The following MROH2A variants were observed in gnomAD, a reference collection of about 807,000 sequenced individuals.
MROH2A encodes the protein maestro heat like repeat family member 2A, also known as maestro heat-like repeat-containing protein family member 2A.
A neutral mutation model predicts 200.4 loss-of-function variants in MROH2A; 174 were observed. That is an observed-to-expected ratio of 0.87 (90% confidence interval 0.77 to 0.98). The LOEUF is 0.98. MROH2A is among the 50% of genes least tolerant of loss of function. The pLI is 0.00. For synonymous variants in MROH2A, 829 were observed against 840.4 expected, an observed-to-expected ratio of 0.99 and a Z score of 0.23; for missense variants, 2,045 against 2,139.6, an observed-to-expected ratio of 0.96 and a Z score of 0.87.
chr2:233,789,091 G>A (rs955371939), intron 3 of MROH2A, among the ~76,000 whole-genome samples: 1 of 151,856 alleles, frequency 6.6e-6, no homozygotes, highest in East Asian at 1.9e-4. Flanking sequence ...GGTGATAAGC[G>A]CTATCATGCA....
intron 3 of MROH2A, among the ~76,000 whole-genome samples, chr2:233,789,232 T>C (rs1701574189): frequency 6.6e-6 from 1 of 152,210 alleles, no homozygotes; most frequent in South Asian, 2.1e-4. Flanking sequence ...ACCTTGTGTG[T>C]TGATCACTTA....
In MROH2A at chr2:233,831,510, C is replaced by T. The variant is rs1020108931; in HGVS notation, c.4704C>T (p.Thr1568=). The T allele has an allele frequency of 4.6e-5, 72 of 1,550,276 alleles. No homozygotes were observed. Among genetic ancestry groups the T allele is most frequent in the Non-Finnish European group, 5.9e-5 (68 of 1,146,932 alleles). The change falls in exon 39 of 42, where the codon ACC becomes ACT. Residue 1568 remains threonine, a synonymous_variant. Transcript: ENST00000389758. ...ATACCGCTACTGATGACAAGATGAC[C>T]GTTTTCCAGACAACCATGTGCTCCA... is the stretch of plus-strand genomic sequence containing the variant. The part of the protein sequence containing the change: ...PSDTATDDKM[T]VFQTTMCSIL...
intron 23 of MROH2A, among the ~76,000 whole-genome samples, chr2:233,811,198 A>G (rs1703134258): frequency 6.6e-6 from 1 of 152,136 alleles, no homozygotes; most frequent in Non-Finnish European, 1.5e-5. Context: ...ATAGACAGAG[A>G]TTCCCTGGGC....
chr2:233,821,208 G>C (rs962546860), intron 31 of MROH2A, among the ~76,000 whole-genome samples: 1 of 152,232 alleles, frequency 6.6e-6, no homozygotes, highest in Non-Finnish European at 1.5e-5. Context: ...TGATGAGGGT[G>C]TCAGCTGGGC....
chr2:233,791,059 C>T (rs964345040), intron 5 of MROH2A, among the ~76,000 whole-genome samples: 10 of 152,108 alleles, frequency 6.6e-5, no homozygotes, highest in Non-Finnish European at 1.3e-4. Flanking sequence ...GGCTCTGGGG[C>T]AGAGAAGAGC....
rs1197477146 is a variant in MROH2A at position 233,816,857 on chromosome 2, G to A, written c.2933G>A (p.Trp978Ter). Reference sequence around the variant, plus strand: ...GTGAGCCTCCATCTCTATCTCATGTGGATTTATGTCCACAGCACTGCTGTC... The same window carrying A: ...GTGAGCCTCCATCTCTATCTCATGTAGATTTATGTCCACAGCACTGCTGTC... ...KAVSLHLYLM[W>*]IYVHSTAVCI... is the part of the protein sequence containing the mutation. The change falls in exon 27 of 42, where the codon TGG becomes TAG. Residue 978 changes from tryptophan (W) to a stop codon, truncating the protein, a stop_gained. Transcript: ENST00000389758. LOFTEE classifies it high-confidence loss of function. The A allele has an allele frequency of 7.7e-6, 12 of 1,549,358 alleles. No individual in the cohort carries two copies. The highest frequency in any genetic ancestry group is 1.7e-4 in the Middle Eastern group (1 of 5,904).
At chr2:233,782,958 C>T (rs1010509755) in intron 3 of MROH2A, among the ~76,000 whole-genome samples, 1 of 150,362 alleles carries the variant, frequency 6.7e-6, no homozygotes, top group South Asian at 2.1e-4. Context: ...CTTTTTTTAG[C>T]ATATATTGAA....
intron 3 of MROH2A, among the ~76,000 whole-genome samples, chr2:233,785,714 C>G (rs959089261): frequency 6.6e-6 from 1 of 151,864 alleles, no homozygotes; most frequent in African/African-American, 2.4e-5. Flanking sequence ...AGTAGCTGTC[C>G]CTGGCTGTTT....
Position 233,789,551 on chromosome 2 carries a change from C to T in MROH2A, c.331C>T (p.Gln111Ter). 6.7e-7 allele frequency: 1 copy of T among 1,489,268 alleles called. No homozygotes were observed. Among genetic ancestry groups the T allele is most frequent in the Non-Finnish European group, 8.9e-7 (1 of 1,119,144 alleles). The allele number at this position is 1,489,268 out of a possible 1,614,324, so 92.3% of individuals were successfully genotyped here. The part of the protein sequence containing the change: ...IYNILQDIIQ[Q>*]EGELEEQCVQ... Reference sequence around the variant, plus strand: ...CAACATCCTCCAGGACATCATCCAGCAGGAGGGGGAGCTGGAGGAGCAGTG... The same window carrying T: ...CAACATCCTCCAGGACATCATCCAGTAGGAGGGGGAGCTGGAGGAGCAGTG... Residue 111 changes from glutamine (Q) to a stop codon, truncating the protein, a stop_gained, in exon 4 of 42, where the codon CAG becomes TAG. Transcript: ENST00000389758. LOFTEE classifies it high-confidence loss of function.
At chr2:233,799,721 G>C in intron 12 of MROH2A, 59 bp from the exon 13 acceptor site, 1 of 1,545,354 alleles carries the variant, frequency 6.5e-7, no homozygotes, top group Non-Finnish European at 8.7e-7. Flanking sequence ...TATGTCACAG[G>C]ATTGGGTGCC....
rs1422289468 is a variant in MROH2A at position 233,805,128 on chromosome 2, A to G, written c.2052+17A>G. ...CTGGAGAAGGTTTGTCTTCATAGGG[A>G]CAGGAGAGTTTGGACAAGGAGTAGA... On this transcript the variant is annotated intron_variant, in intron 19 of 41. Transcript: ENST00000389758. 1.3e-6 allele frequency: 2 copies of G among 1,522,672 alleles called. No individual in the cohort carries two copies. The highest frequency in any genetic ancestry group is 3.9e-5 in the Admixed American group (2 of 50,832). 94.3% of individuals were successfully genotyped at this position (1,522,672 alleles called of 1,614,324 possible).
Position 233,799,856 on chromosome 2 carries a change from T to G in MROH2A, c.1406T>G (p.Leu469Arg). 1 of 1,550,546 alleles carries G rather than the reference T, an allele frequency of 6.4e-7. No individual in the cohort carries two copies. Among genetic ancestry groups the G allele is most frequent in the Non-Finnish European group, 8.7e-7 (1 of 1,146,986 alleles). Residue 469 changes from leucine to arginine, a missense_variant, in exon 13 of 42, where the codon CTG (leucine) becomes CGG (arginine). Physicochemically the swap from Leu to Arg is moderately radical, Grantham distance 102 (BLOSUM62 -2). Transcript: ENST00000389758. Reference sequence around the variant, plus strand: ...CAGGAGAGAATCAAAGGCTGGGGCCTGAAGTACCTGTCTGTGCAGCTGACC... The same window carrying G: ...CAGGAGAGAATCAAAGGCTGGGGCCGGAAGTACCTGTCTGTGCAGCTGACC... ...GYQERIKGWGLKYLSVQLTLS... is the reference protein window; with the variant it reads ...GYQERIKGWGRKYLSVQLTLS...
intron 22 of MROH2A, 144 bp from the exon 23 acceptor site, chr2:233,810,650 G>A: frequency 3.7e-6 from 4 of 1,070,610 alleles, no homozygotes; most frequent in Non-Finnish European, 5.2e-6. Context: ...TCGAAGGACA[G>A]AGTGAGGCTG....
At position 233,818,251 on chromosome 2, in the gene MROH2A, C is replaced by T. The variant is rs1703682899; in HGVS notation, c.3085+126C>T. ...CTGTGCAGGCAGGCATGGAGACAAA[C>T]ACAGGTGACCATCAGAGGGAGCAGT... On this transcript the variant is annotated intron_variant, in intron 28 of 41. Coordinates refer to ENST00000389758, the MANE Select transcript of MROH2A (RefSeq NM_001394639.1). 12 of 1,162,516 alleles carry T rather than the reference C, an allele frequency of 1.0e-5. No individual in the cohort carries two copies. The South Asian group carries it at 1.2e-4, about 12-fold the overall frequency. The allele number at this position is 1,162,516 out of a possible 1,614,324, so 72.0% of individuals were successfully genotyped here. A position where few individuals can be genotyped will look rare whatever the true frequency, so the allele number is the denominator to read the frequency against.
intron 14 of MROH2A, 47 bp downstream of exon 14, chr2:233,800,362 T>TG (rs758082466): frequency 3.4e-6 from 4 of 1,174,520 alleles, no homozygotes; most frequent in Non-Finnish European, 4.8e-6. Context: ...CACGCCAGGC[T>TG]GGGGGTGAAC....
chr2:233,812,669 C>G (rs577628687), intron 24 of MROH2A, among the ~76,000 whole-genome samples: 1 of 152,052 alleles, frequency 6.6e-6, no homozygotes, highest in Non-Finnish European at 1.5e-5. Flanking sequence ...AGAGATAAGA[C>G]AGACACATAC....
At position 233,789,561 on chromosome 2, in the gene MROH2A, A is replaced by G; in HGVS notation, c.341A>G (p.Glu114Gly). 1 of 1,490,706 alleles carries G rather than the reference A, an allele frequency of 6.7e-7. No individual in the cohort carries two copies. The highest frequency in any genetic ancestry group is 8.9e-7 in the Non-Finnish European group (1 of 1,118,948). 92.3% of individuals were successfully genotyped at this position (1,490,706 alleles called of 1,614,324 possible). Residue 114 changes from glutamate to glycine, a missense_variant, in exon 4 of 42, where the codon GAG becomes GGG. Glu to Gly is a moderately conservative substitution (Grantham distance 98). Coordinates refer to ENST00000389758, the MANE Select transcript of MROH2A (RefSeq NM_001394639.1). The part of the protein sequence containing the change: ...ILQDIIQQEG[E>G]LEEQCVQRLV... ...CAGGACATCATCCAGCAGGAGGGGG[A>G]GCTGGAGGAGCAGTGCGTGCAGAGG...
intron 2 of MROH2A, 25 bp from the exon 3 acceptor site, chr2:233,779,646 A>G: frequency 1.3e-6 from 2 of 1,549,044 alleles, no homozygotes; most frequent in South Asian, 1.2e-5. Flanking sequence ...TCCACACTGC[A>G]CCTGGGTGGC....
Position 233,814,671 on chromosome 2 carries a change from G to A in MROH2A, c.2850G>A (p.Met950Ile), listed in dbSNP as rs1437721734. 7.7e-6 allele frequency: 12 copies of A among 1,549,506 alleles called. No homozygotes were observed. The highest frequency in any genetic ancestry group is 1.0e-5 in the Non-Finnish European group (12 of 1,146,334). ...RQLDPKGLQE[M>I]VQLLEKWILS... The stretch of plus-strand genomic sequence containing the variant: ...TGGACCCCAAGGGGCTGCAGGAGAT[G>A]GTGCAGGTGAGTTGCCTGGTGGCGG... Residue 950 changes from methionine (M) to isoleucine (I), a missense_variant, in exon 26 of 42, where the codon ATG becomes ATA. Around this residue, in one of 3 missense-constraint regions of MROH2A, gnomAD observed 1,201 missense variants for 1,311.3 expected, o/e 0.92. Transcript: ENST00000389758.
Sources: allele counts gnomAD v4.1 joint callset (sites outside exome capture counted in the v4.1 genomes callset), GRCh38; gene constraint gnomAD v4.1.1; regional missense constraint gnomAD v4.1.1; transcripts MANE v1.5; gene names NCBI Gene and HGNC (gene_info 2026-07-23, HGNC 2026-07-21).